PACRG: variants seen among roughly 807,000 people sequenced by gnomAD.
The protein encoded by PACRG is parkin coregulated gene protein.
In PACRG, 29 loss-of-function variants were observed where a neutral mutation model predicts 29.7. The ratio of observed to expected loss-of-function variants is 0.98; its 90% CI spans 0.73 to 1.33. PACRG has a LOEUF of 1.33. Ranked by LOEUF, PACRG falls within the 40% of genes most tolerant of loss-of-function variation. The pLI is 0.00. For missense variants in PACRG, 279 were observed against 316.2 expected (o/e 0.88, Z 0.89); for synonymous variants, 116 against 118.7 (o/e 0.98, Z 0.15).
At chr6:163,113,634 C>T (rs1184429884) in intron 4 of PACRG, among the ~76,000 whole-genome samples, 3 of 152,068 alleles carry the variant, frequency 2.0e-5, no homozygotes, top group Non-Finnish European at 4.4e-5. Context: ...AAAAAATTGT[C>T]AACCAAGAAC....
chr6:163,045,693 G>T (rs1809277536), intron 2 of PACRG, among the ~76,000 whole-genome samples: 1 of 144,036 alleles, frequency 6.9e-6, no homozygotes, highest in South Asian at 2.2e-4. Context: ...CATGATCTCT[G>T]GTCACTGCAA....
chr6:163,170,116 G>A (rs562313592), intron 4 of PACRG, among the ~76,000 whole-genome samples: 2 of 152,296 alleles, frequency 1.3e-5, no homozygotes, highest in East Asian at 3.9e-4. Flanking sequence ...CTTCAACATA[G>A]GAATTTTAGA....
At chr6:162,748,160 T>G (rs1781230112) in intron 1 of PACRG, among the ~76,000 whole-genome samples, 2 of 152,166 alleles carry the variant, frequency 1.3e-5, no homozygotes, top group Non-Finnish European at 2.9e-5. Flanking sequence ...GGAGTGAATC[T>G]GCTGAAACGT....
chr6:162,841,989 A>G (rs1372020878), intron 2 of PACRG, among the ~76,000 whole-genome samples: 1 of 149,986 alleles, frequency 6.7e-6, no homozygotes, highest in Non-Finnish European at 1.5e-5. Flanking sequence ...GTTCTTTTAC[A>G]TTTGCTGAGG....
intron 4 of PACRG, among the ~76,000 whole-genome samples, chr6:163,274,050 C>T (rs1783939997): frequency 6.6e-6 from 1 of 151,652 alleles, no homozygotes; most frequent in African/African-American, 2.4e-5. Flanking sequence ...TATTATTATA[C>T]TCTAAGTTCT....
At chr6:163,007,995 A>C (rs2128207336) in intron 2 of PACRG, among the ~76,000 whole-genome samples, 1 of 152,304 alleles carries the variant, frequency 6.6e-6, no homozygotes, top group East Asian at 1.9e-4. Flanking sequence ...AATGTCAATT[A>C]TCTGACCCAC....
At chr6:163,004,551 G>T (rs1490016619) in intron 2 of PACRG, among the ~76,000 whole-genome samples, 1 of 151,682 alleles carries the variant, frequency 6.6e-6, no homozygotes, top group Non-Finnish European at 1.5e-5. Flanking sequence ...CAGGAGAACA[G>T]CATGGGGGAA....
At chr6:162,771,129 G>A (rs1783185643) in intron 1 of PACRG, among the ~76,000 whole-genome samples, 1 of 152,016 alleles carries the variant, frequency 6.6e-6, no homozygotes, top group Non-Finnish European at 1.5e-5. Context: ...TACTTATGAT[G>A]AAATAACCTT....
At chr6:162,740,836 T>C (rs1449012988) in intron 1 of PACRG, among the ~76,000 whole-genome samples, 2 of 152,074 alleles carry the variant, frequency 1.3e-5, no homozygotes, top group African/African-American at 2.4e-5. Flanking sequence ...CCTGACCTCA[T>C]GATCTGCCCT....
chr6:162,736,266 TA>T (rs1278175745), intron 1 of PACRG, among the ~76,000 whole-genome samples: 1 of 152,232 alleles, frequency 6.6e-6, no homozygotes, highest in Non-Finnish European at 1.5e-5. Context: ...TACACGTTAT[TA>T]AAATGTATCT....
At chr6:163,117,365 G>A (rs1816054231) in intron 4 of PACRG, among the ~76,000 whole-genome samples, 1 of 152,204 alleles carries the variant, frequency 6.6e-6, no homozygotes, top group South Asian at 2.1e-4. Context: ...AGCCACTGGG[G>A]AGGTTTCCTA....
At chr6:163,252,728 G>A (rs1332912110) in intron 4 of PACRG, among the ~76,000 whole-genome samples, 1 of 152,190 alleles carries the variant, frequency 6.6e-6, no homozygotes, top group Non-Finnish European at 1.5e-5. Context: ...TTAACCTGTT[G>A]GCAAGAAGCA....
chr6:162,798,603 T>G (rs1785579985), intron 1 of PACRG, among the ~76,000 whole-genome samples: 1 of 152,194 alleles, frequency 6.6e-6, no homozygotes, highest in Non-Finnish European at 1.5e-5. Flanking sequence ...AAAGGAGAAA[T>G]GTTCACACTA....
At chr6:163,004,260 T>C (rs1223901127) in intron 2 of PACRG, among the ~76,000 whole-genome samples, 1 of 150,468 alleles carries the variant, frequency 6.6e-6, no homozygotes, top group East Asian at 1.9e-4. Context: ...TATGAACATA[T>C]ATATCATTAT....
chr6:163,172,766 T>G (rs1779149581), intron 4 of PACRG, among the ~76,000 whole-genome samples: 1 of 152,204 alleles, frequency 6.6e-6, no homozygotes, highest in Admixed American at 6.5e-5. Flanking sequence ...CAGAGACTGG[T>G]GTGCCAATTA....
At chr6:163,211,079 A>T (rs1781117951) in intron 4 of PACRG, among the ~76,000 whole-genome samples, 1 of 152,180 alleles carries the variant, frequency 6.6e-6, no homozygotes, top group African/African-American at 2.4e-5. Context: ...ATTCTATCAC[A>T]GAATCTTTCT....
chr6:162,868,882 C>G (rs1488605496), intron 2 of PACRG, among the ~76,000 whole-genome samples: 1 of 152,182 alleles, frequency 6.6e-6, no homozygotes, highest in Non-Finnish European at 1.5e-5. Flanking sequence ...TCCTTTTAGA[C>G]CTGTTCTAGG....
At chr6:163,222,178 A>C (rs1409274631) in intron 4 of PACRG, among the ~76,000 whole-genome samples, 1 of 152,264 alleles carries the variant, frequency 6.6e-6, no homozygotes, top group Non-Finnish European at 1.5e-5. Context: ...CACTATAAAA[A>C]AGATATTTGA....
chr6:163,021,463 G>A (rs947405885), intron 2 of PACRG, among the ~76,000 whole-genome samples: 3 of 152,072 alleles, frequency 2.0e-5, no homozygotes, highest in African/African-American at 7.2e-5. Context: ...TACTGACCCT[G>A]TAAGGTTAAG....
Sources: gnomAD v4.1 joint callset for allele counts (sites outside exome capture counted in the v4.1 genomes callset) on GRCh38, gnomAD v4.1.1 for gene constraint, MANE v1.5 for transcripts, NCBI Gene and HGNC (gene_info 2026-07-23, HGNC 2026-07-21) for gene names.